The following TIAM2 variants were observed in gnomAD, a reference collection of about 807,000 sequenced individuals.
The protein encoded by TIAM2 is TIAM Rac1 associated GEF 2.
Under a neutral mutation model 152.9 loss-of-function variants are expected in TIAM2, and 80 were observed. The ratio of observed to expected loss-of-function variants is 0.52; its 90% CI spans 0.44 to 0.63. TIAM2 has a LOEUF of 0.63. TIAM2 is among the 30% of genes least tolerant of loss of function. TIAM2 has a pLI of 0.00. For synonymous variants in TIAM2, 804 were observed against 838.0 expected (o/e 0.96, Z 0.70); for missense variants, 1,965 against 2,120.1 (o/e 0.93, Z 1.44).
rs764621722 is a variant in TIAM2 at position 155,253,972 on chromosome 6, G to A, written c.4226-1G>A. The A allele has an allele frequency of 6.2e-7, 1 of 1,611,198 alleles. No individual in the cohort carries two copies. Among genetic ancestry groups the A allele is most frequent in the Non-Finnish European group, 8.5e-7 (1 of 1,179,048 alleles). On this transcript the variant is annotated splice_acceptor_variant, in intron 24 of 26. Coordinates refer to ENST00000682666, the MANE Select transcript of TIAM2 (RefSeq NM_012454.4). LOFTEE classifies it high-confidence loss of function. ...TCTTGTTTCCATTTCCTTTTACATA[G>A]GGACAGAAAATAATTCCATATGGGA...
intron 5 of TIAM2, among the ~76,000 whole-genome samples, chr6:155,143,854 C>T (rs950418050): frequency 3.6e-4 from 54 of 152,020 alleles, no homozygotes; most frequent in South Asian, 2.1e-4. Context: ...AACCTGGGGA[C>T]CCCAATTCCT....
intron 2 of TIAM2, among the ~76,000 whole-genome samples, chr6:155,114,811 C>T (rs536337058): frequency 1.3e-4 from 19 of 151,982 alleles, no homozygotes; most frequent in Non-Finnish European, 2.4e-4. Context: ...ACCACAACCA[C>T]CCTTTATTTA....
At chr6:155,172,833 A>T (rs1408502568) in intron 9 of TIAM2, among the ~76,000 whole-genome samples, 1 of 150,888 alleles carries the variant, frequency 6.6e-6, no homozygotes, top group East Asian at 1.9e-4. Flanking sequence ...CATCTTTGAC[A>T]TGGGTAACCT....
At chr6:155,237,554 G>A (rs943702890) in intron 15 of TIAM2, among the ~76,000 whole-genome samples, 1 of 152,204 alleles carries the variant, frequency 6.6e-6, no homozygotes, top group African/African-American at 2.4e-5. Flanking sequence ...TGAGAGCCCT[G>A]CCCCTGCAGC....
At chr6:155,026,577 T>G (rs912744455) in intron 1 of TIAM2, among the ~76,000 whole-genome samples, 3 of 152,188 alleles carry the variant, frequency 2.0e-5, no homozygotes, top group Non-Finnish European at 4.4e-5. Flanking sequence ...ATGCTGGAGG[T>G]AGATGCATCC....
In TIAM2 at chr6:155,156,036, A is replaced by C. The variant is rs564252770; in HGVS notation, c.2028+7702A>C. On this transcript the variant is annotated intron_variant, in intron 7 of 26. Coordinates refer to ENST00000682666, the MANE Select transcript of TIAM2 (RefSeq NM_012454.4). This position sits in a 1 kb window ranked among gnomAD's most constrained non-coding sequence, Gnocchi z 4.4. ...TGAGCATACAATTTCAACATAACAC[A>C]GTGATTCAGTGCACGTGGCATTCCA... Among the ~76,000 whole-genome samples the C allele has an allele frequency of 1.3e-5, 2 of 152,332 alleles. No homozygotes were observed. The highest frequency in any genetic ancestry group is 2.9e-5 in the Non-Finnish European group (2 of 68,028).
intron 1 of TIAM2, among the ~76,000 whole-genome samples, chr6:155,077,891 T>G (rs1351959822): frequency 2.6e-5 from 4 of 152,188 alleles, no homozygotes; most frequent in Non-Finnish European, 5.9e-5. Context: ...TGGCTGGCAT[T>G]CTTATGAATG....
At position 155,129,976 on chromosome 6, in the gene TIAM2, C is replaced by A; in HGVS notation, c.753C>A (p.Asp251Glu). The A allele has an allele frequency of 6.2e-7, 1 of 1,614,146 alleles. No individual in the cohort carries two copies. The highest frequency in any genetic ancestry group is 8.5e-7 in the Non-Finnish European group (1 of 1,180,044). Residue 251 changes from aspartate to glutamate, a missense_variant, in exon 4 of 27, where the codon GAC becomes GAA. By Grantham distance (45) the Asp-to-Glu change is conservative. This residue lies in a region of TIAM2 where 1,025 missense variants were observed against 1,119.4 expected (regional missense o/e 0.92). Transcript: ENST00000682666. The surrounding 1 kb of genome is among the most constrained non-coding windows in gnomAD (Gnocchi z 4.8). ...TGAGTTCTGAGTCATCCTGGTACGA[C>A]TCCCCTTGGGGCAATGCTGGAGAGC... ...SSLSSESSWY[D>E]SPWGNAGELS...
At position 155,088,237 on chromosome 6, in the gene TIAM2, G is replaced by A. The variant is rs558968220; in HGVS notation, c.-208-2052G>A. ...GCCCGGCTAATGTTTTGTATTTTTA[G>A]TAGAGACGGGGTTTCTCCATGGAGT... On this transcript the variant is annotated intron_variant, in intron 1 of 26. Coordinates refer to ENST00000682666, the MANE Select transcript of TIAM2 (RefSeq NM_012454.4). 3.3e-5 allele frequency among the ~76,000 whole-genome samples: 5 copies of A among 151,988 alleles called. No homozygotes were observed. The East Asian group carries it at 9.7e-4, about 29-fold the overall frequency.
rs532712821 is a variant in TIAM2 at position 155,146,256 on chromosome 6, C to A, written c.1803+1478C>A. 1.6e-3 allele frequency among the ~76,000 whole-genome samples: 243 copies of A among 152,240 alleles called. 3 individuals carry two copies. Among genetic ancestry groups the A allele is most frequent in the Admixed American group, 0.016 (240 of 15,290 alleles). The stretch of plus-strand genomic sequence containing the variant: ...ATTAGCCAGGCATGGTGGTGCGCAC[C>A]TGTGGTCCCAGCTACTTGGGAGGCT... On this transcript the variant is annotated intron_variant, in intron 6 of 26. Coordinates refer to ENST00000682666, the MANE Select transcript of TIAM2 (RefSeq NM_012454.4).
intron 15 of TIAM2, among the ~76,000 whole-genome samples, chr6:155,220,528 A>G (rs1562358663): frequency 6.6e-6 from 1 of 152,196 alleles, no homozygotes; most frequent in Non-Finnish European, 1.5e-5. Context: ...GATGGCACCT[A>G]GCACACAGTG....
intron 1 of TIAM2, among the ~76,000 whole-genome samples, chr6:154,999,757 C>T (rs1258568534): frequency 2.6e-5 from 4 of 152,008 alleles, no homozygotes; most frequent in African/African-American, 9.7e-5. Flanking sequence ...ACTGCAACTT[C>T]TGCCTCCCGG....
rs368393439 is a variant in TIAM2, at chr6:155,231,892, T to A, written c.3169-8638T>A. On this transcript the variant is annotated intron_variant, in intron 15 of 26. Coordinates refer to ENST00000682666, the MANE Select transcript of TIAM2 (RefSeq NM_012454.4). ...GAGTTTGAGATCAGCCTGACCAACA[T>A]GATGAAACTGAAACCCTGTCTCTAC... 1.2e-3 allele frequency among the ~76,000 whole-genome samples: 177 copies of A among 152,286 alleles called. 1 individual carries two copies. Among genetic ancestry groups the A allele is most frequent in the African/African-American group, 4.1e-3 (170 of 41,554 alleles).
chr6:155,125,636 C>T (rs1338032901), intron 2 of TIAM2, among the ~76,000 whole-genome samples: 2 of 152,012 alleles, frequency 1.3e-5, no homozygotes, highest in East Asian at 1.9e-4. Flanking sequence ...GCCGGAAGTT[C>T]GAGACCAGCC....
chr6:155,256,298 A>C, intron 26 of TIAM2, 186 bp from the exon 27 acceptor site: 1 of 827,332 alleles, frequency 1.2e-6, no homozygotes, highest in South Asian at 1.8e-5. Context: ...ACAACTGTAA[A>C]CCTAAGTCAA....
At position 155,144,595 on chromosome 6, in the gene TIAM2, C is replaced by T; in HGVS notation, c.1631-11C>T. The T allele has an allele frequency of 6.7e-7, 1 of 1,501,570 alleles. No individual in the cohort carries two copies. Among genetic ancestry groups the T allele is most frequent in the Non-Finnish European group, 8.8e-7 (1 of 1,131,432 alleles). The allele number at this position is 1,501,570 out of a possible 1,614,324, so 93.0% of individuals were successfully genotyped here. A position where few individuals can be genotyped will look rare whatever the true frequency, so the allele number is the denominator to read the frequency against. On this transcript the variant is annotated splice_polypyrimidine_tract_variant and intron_variant, in intron 5 of 26. Transcript: ENST00000682666. ...CTGACCGGGATGTTATTTTGCTTCT[C>T]TGTTTCACAGGATGCACGCTGCTGT...
intron 14 of TIAM2, among the ~76,000 whole-genome samples, chr6:155,194,268 A>G (rs1265654056): frequency 6.6e-6 from 1 of 152,190 alleles, no homozygotes; most frequent in African/African-American, 2.4e-5. Context: ...AATGGGGAAG[A>G]GGAGAAGGTA....
Position 155,256,553 on chromosome 6 carries a change from G to A in TIAM2, c.4538G>A (p.Gly1513Glu). Residue 1513 changes from glycine (G) to glutamate (E), a missense_variant, in exon 27 of 27, where the codon GGA becomes GAA. Gly to Glu is a moderately conservative substitution (Grantham distance 98, BLOSUM62 -2). Coordinates refer to ENST00000682666, the MANE Select transcript of TIAM2 (RefSeq NM_012454.4). ...GAGTGGACCGGTGAGACTGGCAAGGGAACCTTGCTGGACTCTGACGAGGGC... is the reference window on the plus strand; with the variant it reads ...GAGTGGACCGGTGAGACTGGCAAGGAAACCTTGCTGGACTCTGACGAGGGC... ...SNEWTGETGK[G>E]TLLDSDEGSL... 6.2e-7 allele frequency: 1 copy of A among 1,614,186 alleles called. No individual in the cohort carries two copies. The highest frequency in any genetic ancestry group is 8.5e-7 in the Non-Finnish European group (1 of 1,180,032).
At chr6:155,097,999 T>C (rs1226498272) in intron 2 of TIAM2, among the ~76,000 whole-genome samples, 1 of 152,218 alleles carries the variant, frequency 6.6e-6, no homozygotes, top group Admixed American at 6.5e-5. Flanking sequence ...TTCTCTGTTC[T>C]GTTCTACTGG....
Sources: gnomAD v4.1 joint callset for allele counts (sites outside exome capture counted in the v4.1 genomes callset) on GRCh38, gnomAD v4.1.1 for gene constraint, gnomAD v4.1.1 regional missense constraint, Gnocchi (gnomAD v3.1) non-coding constraint, MANE v1.5 for transcripts, NCBI Gene and HGNC (gene_info 2026-07-23, HGNC 2026-07-21) for gene names.